Variants in DISC1 observed in about 807,000 individuals in gnomAD.
DISC1 encodes the protein DISC1 scaffold protein.
DISC1 carries 57 observed loss-of-function variants against 84.5 expected under a neutral mutation model. The ratio of observed to expected loss-of-function variants is 0.67; its 90% CI spans 0.55 to 0.84. DISC1 has a LOEUF of 0.84. DISC1 is among the 40% of genes least tolerant of loss of function. The pLI is 0.00. For missense variants in DISC1, 1,000 were observed against 1,057.8 expected, an observed-to-expected ratio of 0.95 and a Z score of 0.76; for synonymous variants, 411 against 415.2, an observed-to-expected ratio of 0.99 and a Z score of 0.12.
chr1:231,880,047 G>T (rs1461546066), intron 9 of DISC1, among the ~76,000 whole-genome samples: 1 of 152,142 alleles, frequency 6.6e-6, no homozygotes, highest in African/African-American at 2.4e-5. Flanking sequence ...TGAGAGCTGG[G>T]GCCTATAAGA....
At chr1:232,024,036 C>T (rs199700694) in intron 11 of DISC1, among the ~76,000 whole-genome samples, 2 of 140,892 alleles carry the variant, frequency 1.4e-5, no homozygotes, top group Non-Finnish European at 3.0e-5. Context: ...TATACACACA[C>T]ATATATATGT....
At chr1:231,855,631 C>T (rs1233872224) in intron 9 of DISC1, among the ~76,000 whole-genome samples, 3 of 152,142 alleles carry the variant, frequency 2.0e-5, no homozygotes, top group African/African-American at 7.2e-5. Context: ...GCCCTTAAAC[C>T]AAGAGTCCTT....
At chr1:231,803,268 A>G (rs1264371921) in intron 8 of DISC1, among the ~76,000 whole-genome samples, 1 of 152,184 alleles carries the variant, frequency 6.6e-6, no homozygotes, top group Admixed American at 6.6e-5. Context: ...GTCCCAAGAG[A>G]AAGGAAATGG....
intron 9 of DISC1, among the ~76,000 whole-genome samples, chr1:231,821,133 A>G (rs1023944584): frequency 6.6e-6 from 1 of 152,126 alleles, no homozygotes; most frequent in African/African-American, 2.4e-5. Flanking sequence ...AAAATAGTAA[A>G]TATACTATAC....
At chr1:231,857,837 C>T (rs375545503) in intron 9 of DISC1, among the ~76,000 whole-genome samples, 23 of 152,300 alleles carry the variant, frequency 1.5e-4, no homozygotes, top group African/African-American at 5.1e-4. Flanking sequence ...AAGAATGCTG[C>T]TTGGTTTCTA....
intron 9 of DISC1, among the ~76,000 whole-genome samples, chr1:231,890,826 T>C (rs1264465820): frequency 6.6e-6 from 1 of 152,274 alleles, no homozygotes. Flanking sequence ...TCATTCCTCC[T>C]GAGAATGTGT....
chr1:231,733,247 G>A (rs1378957606), intron 3 of DISC1, among the ~76,000 whole-genome samples: 1 of 151,516 alleles, frequency 6.6e-6, no homozygotes, highest in African/African-American at 2.4e-5. Context: ...TAGGAGTGGT[G>A]GTGATGGTAG....
chr1:231,821,346 A>G (rs1368795193), intron 9 of DISC1, among the ~76,000 whole-genome samples: 1 of 152,200 alleles, frequency 6.6e-6, no homozygotes, highest in Admixed American at 6.5e-5. Context: ...TTGGAGTGTC[A>G]GTAATAGAAC....
intron 10 of DISC1, among the ~76,000 whole-genome samples, chr1:231,966,650 C>T (rs1009751648): frequency 1.3e-5 from 2 of 152,226 alleles, no homozygotes; most frequent in South Asian, 2.1e-4. Flanking sequence ...GAACATTTCT[C>T]TTCTTTCTAG....
At chr1:232,028,860 G>T (rs192636437) in intron 12 of DISC1, among the ~76,000 whole-genome samples, 10 of 152,294 alleles carry the variant, frequency 6.6e-5, no homozygotes. Context: ...TGGCTTAGAT[G>T]AAAAGTCATT....
chr1:231,969,622 T>G (rs1452023550), intron 10 of DISC1, among the ~76,000 whole-genome samples: 3 of 149,564 alleles, frequency 2.0e-5, no homozygotes, highest in Non-Finnish European at 4.4e-5. Flanking sequence ...TATTATACTT[T>G]AAGTTCTAGG....
chr1:231,631,885 C>A (rs1165349468), intron 1 of DISC1, among the ~76,000 whole-genome samples: 1 of 152,050 alleles, frequency 6.6e-6, no homozygotes, highest in Non-Finnish European at 1.5e-5. Context: ...GAAATTATGT[C>A]CTCAACCCTC....
Position 231,722,405 on chromosome 1 carries a change from G to A in DISC1, c.1117+20381G>A, listed in dbSNP as rs563567531. On this transcript the variant is annotated intron_variant, in intron 3 of 12. Transcript: ENST00000439617. ...TCTGCCTGGACTGCTCTATGAAATA[G>A]ATCTTTCTACTTATCCACACTCGAA... is the stretch of plus-strand genomic sequence containing the variant. The A allele has an allele frequency of 5.6e-6, 8 of 1,426,686 alleles. No homozygotes were observed. In the East Asian group the frequency reaches 9.9e-5, roughly 18 times the overall value. The allele number at this position is 1,426,686 out of a possible 1,614,324, so 88.4% of individuals were successfully genotyped here.
Position 232,026,762 on chromosome 1 carries a change from C to CTTT in DISC1, c.2425+230_2425+232dup, listed in dbSNP as rs545455868. On this transcript the variant is annotated intron_variant, in intron 12 of 12. Coordinates refer to ENST00000439617, the MANE Select transcript of DISC1 (RefSeq NM_018662.3). ...CAATTCAGTATTTTTTTTCTTTTTT[C>CTTT]TTTTTTTTTTTTTTTTTTTTTTGAT... 1.9e-3 allele frequency among the ~76,000 whole-genome samples: 210 copies of CTTT among 110,748 alleles called. 2 individuals carry two copies. The highest frequency in any genetic ancestry group is 2.9e-3 in the Non-Finnish European group (161 of 55,472). The allele number at this position is 110,748 out of a possible 152,430, so 72.7% of individuals were successfully genotyped here.
At chr1:231,924,953 G>T (rs1285443258) in intron 9 of DISC1, among the ~76,000 whole-genome samples, 1 of 129,970 alleles carries the variant, frequency 7.7e-6, no homozygotes, top group East Asian at 3.0e-4. Flanking sequence ...ACTGCGCCCG[G>T]CCTTTTTTTT....
At chr1:231,873,025 A>G (rs984296512) in intron 9 of DISC1, among the ~76,000 whole-genome samples, 1 of 152,230 alleles carries the variant, frequency 6.6e-6, no homozygotes, top group Non-Finnish European at 1.5e-5. Flanking sequence ...TGTCTATTCC[A>G]TGAAGAAGAC....
chr1:231,811,057 C>G (rs1558586433), intron 8 of DISC1, among the ~76,000 whole-genome samples: 1 of 152,194 alleles, frequency 6.6e-6, no homozygotes, highest in Non-Finnish European at 1.5e-5. Context: ...CACATTTTCT[C>G]AAGCTGTTGG....
At chr1:231,969,830 A>G (rs535072654) in intron 10 of DISC1, among the ~76,000 whole-genome samples, 10 of 150,628 alleles carry the variant, frequency 6.6e-5, no homozygotes, top group African/African-American at 2.0e-4. Context: ...ATTCCCACCC[A>G]TGAGTGAGAA....
At chr1:231,890,023 T>C (rs575715344) in intron 9 of DISC1, among the ~76,000 whole-genome samples, 12 of 152,304 alleles carry the variant, frequency 7.9e-5, no homozygotes, top group African/African-American at 2.4e-4. Flanking sequence ...CTAGTACTTC[T>C]TGGGTTTGGG....
Sources: gnomAD v4.1 joint callset for allele counts (sites outside exome capture counted in the v4.1 genomes callset) on GRCh38, gnomAD v4.1.1 for gene constraint, MANE v1.5 for transcripts, NCBI Gene and HGNC (gene_info 2026-07-23, HGNC 2026-07-21) for gene names.